KLHL1: variants seen among roughly 807,000 people sequenced by gnomAD.
The protein encoded by KLHL1 is kelch-like protein 1.
Under a neutral mutation model 77.7 loss-of-function variants are expected in KLHL1, and 47 were observed. The observed-to-expected ratio is 0.60, with a 90% CI of 0.48 to 0.77. KLHL1 has a LOEUF of 0.77. Ranked by LOEUF, KLHL1 falls within the 30% of genes least tolerant of loss-of-function variation. The pLI, the probability that KLHL1 is intolerant of heterozygous loss-of-function variation, is 0.00. For missense variants in KLHL1, 925 were observed against 910.8 expected, an observed-to-expected ratio of 1.02 and a Z score of -0.20; for synonymous variants, 360 against 325.2, an observed-to-expected ratio of 1.11 and a Z score of -1.15.
At chr13:69,955,006 G>A (rs1290645330) in intron 3 of KLHL1, among the ~76,000 whole-genome samples, 1 of 150,782 alleles carries the variant, frequency 6.6e-6, no homozygotes, top group Non-Finnish European at 1.5e-5. Flanking sequence ...TAAATAATGG[G>A]CAATAATAAT....
intron 7 of KLHL1, among the ~76,000 whole-genome samples, chr13:69,775,468 T>C (rs1359013827): frequency 6.6e-6 from 1 of 152,160 alleles, no homozygotes; most frequent in Non-Finnish European, 1.5e-5. Flanking sequence ...TATTCACAAA[T>C]ATTTGATTTT....
chr13:69,733,629 T>C (rs1873646161), intron 8 of KLHL1, among the ~76,000 whole-genome samples: 1 of 152,162 alleles, frequency 6.6e-6, no homozygotes, highest in Admixed American at 6.5e-5. Context: ...CATCAGTTCT[T>C]AGAGAATGTG....
In KLHL1 at chr13:69,701,372, G is replaced by C; in HGVS notation, c.*330C>G. The stretch of plus-strand genomic sequence containing the variant: ...GAGTTGTGGTCATGAAACTATCCAT[G>C]TCACAAATATTGGTCTCTCCTTTCA... On this transcript the variant is annotated 3_prime_UTR_variant, in exon 11 of 11. Coordinates refer to ENST00000377844, the MANE Select transcript of KLHL1 (RefSeq NM_020866.3). 4.8e-6 allele frequency: 1 copy of C among 207,476 alleles called. No individual in the cohort carries two copies. Among genetic ancestry groups the C allele is most frequent in the Non-Finnish European group, 9.6e-6 (1 of 104,696 alleles). The allele number at this position is 207,476 out of a possible 1,614,324, so 12.9% of individuals were successfully genotyped here.
At position 69,884,779 on chromosome 13, in the gene KLHL1, G is replaced by GA. The variant is rs754599455; in HGVS notation, c.1015-2285dup. Reference sequence around the variant, plus strand: ...TTTTATCATGGATGTTGTAAATTATGAAATTGATCAGATTTCTCTTTTTAT... The same window carrying GA: ...TTTTATCATGGATGTTGTAAATTATGAAAATTGATCAGATTTCTCTTTTTAT... On this transcript the variant is annotated intron_variant, in intron 4 of 10. Transcript: ENST00000377844. 3.3e-5 allele frequency among the ~76,000 whole-genome samples: 5 copies of GA among 152,052 alleles called. No homozygotes were observed. In the East Asian group the frequency reaches 7.7e-4, roughly 23 times the overall value.
chr13:69,882,946 A>G (rs1325316681), intron 4 of KLHL1, among the ~76,000 whole-genome samples: 1 of 152,210 alleles, frequency 6.6e-6, no homozygotes, highest in Non-Finnish European at 1.5e-5. Context: ...CAAAAGAGAA[A>G]GAATAGGACA....
At chr13:69,905,806 A>T (rs1268063813) in intron 4 of KLHL1, among the ~76,000 whole-genome samples, 1 of 152,102 alleles carries the variant, frequency 6.6e-6, no homozygotes, top group Admixed American at 6.5e-5. Flanking sequence ...GGAATCTACA[A>T]AAGTTTATGC....
chr13:69,743,327 A>C (rs1874062925), intron 7 of KLHL1, among the ~76,000 whole-genome samples: 2 of 152,212 alleles, frequency 1.3e-5, no homozygotes, highest in African/African-American at 4.8e-5. Flanking sequence ...GGAGATGATT[A>C]GAAGAAAATT....
In KLHL1 at chr13:69,707,647, G is replaced by A. The variant is rs1396499970; in HGVS notation, c.2165C>T (p.Pro722Leu). The A allele has an allele frequency of 3.7e-6, 6 of 1,611,468 alleles. No individual in the cohort carries two copies. The highest frequency in any genetic ancestry group is 5.1e-6 in the Non-Finnish European group (6 of 1,178,552). Residue 722 changes from proline to leucine, a missense_variant, in exon 10 of 11, where the codon CCA becomes CTA. Physicochemically the swap from Pro to Leu is moderately conservative, Grantham distance 98 (BLOSUM62 -3). Coordinates refer to ENST00000377844, the MANE Select transcript of KLHL1 (RefSeq NM_020866.3). ...TYLNTMESYD[P>L]QTNEWTQMAS... ...TACCTGTGTCCACTCATTAGTTTGT[G>A]GGTCATAGGATTCCATAGTGTTGAG... is the stretch of plus-strand genomic sequence containing the variant.
intron 7 of KLHL1, among the ~76,000 whole-genome samples, chr13:69,745,296 G>A (rs1874160733): frequency 7.9e-6 from 1 of 126,896 alleles, no homozygotes; most frequent in Non-Finnish European, 1.7e-5. Flanking sequence ...TTTTTAATTG[G>A]ATGTCTCTTA....
chr13:69,738,387 C>T (rs1161564397), intron 8 of KLHL1, among the ~76,000 whole-genome samples: 7 of 151,972 alleles, frequency 4.6e-5, no homozygotes, highest in South Asian at 2.1e-4. Flanking sequence ...CAGAACTGGG[C>T]GGAGGCTGAA....
At chr13:69,881,379 T>A (rs531006353) in intron 5 of KLHL1, among the ~76,000 whole-genome samples, 1 of 152,304 alleles carries the variant, frequency 6.6e-6, no homozygotes, top group South Asian at 2.1e-4. Flanking sequence ...TAGTAACATA[T>A]GGATTAGTAA....
At chr13:69,782,203 G>T (rs1566246315) in intron 7 of KLHL1, among the ~76,000 whole-genome samples, 2 of 152,210 alleles carry the variant, frequency 1.3e-5, no homozygotes, top group African/African-American at 4.8e-5. Context: ...GGCCGAACAG[G>T]AACAGCTCCG....
chr13:70,070,851 G>C (rs1887121621), intron 1 of KLHL1, among the ~76,000 whole-genome samples: 1 of 151,786 alleles, frequency 6.6e-6, no homozygotes, highest in Non-Finnish European at 1.5e-5. Flanking sequence ...ATTGCAATGG[G>C]GACTTGAATT....
chr13:69,986,026 G>T (rs1327119490), intron 1 of KLHL1, among the ~76,000 whole-genome samples: 7 of 150,720 alleles, frequency 4.6e-5, no homozygotes. Context: ...CCATTGTGTG[G>T]AATACTATTC....
chr13:69,783,532 G>A (rs1876344139), intron 7 of KLHL1, among the ~76,000 whole-genome samples: 1 of 152,050 alleles, frequency 6.6e-6, no homozygotes, highest in African/African-American at 2.4e-5. Context: ...GAAGAATGCA[G>A]AAGCCTCAGG....
At chr13:69,892,215 T>C (rs1241884096) in intron 4 of KLHL1, among the ~76,000 whole-genome samples, 1 of 152,164 alleles carries the variant, frequency 6.6e-6, no homozygotes, top group African/African-American at 2.4e-5. Context: ...GATAAATCTC[T>C]GTACAATCTT....
intron 1 of KLHL1, among the ~76,000 whole-genome samples, chr13:70,031,789 T>C (rs1369766846): frequency 6.6e-6 from 1 of 152,158 alleles, no homozygotes; most frequent in Non-Finnish European, 1.5e-5. Flanking sequence ...TGCAGGAAAG[T>C]TATTAAACAA....
At chr13:69,933,337 C>T (rs1260048756) in intron 4 of KLHL1, among the ~76,000 whole-genome samples, 1 of 151,994 alleles carries the variant, frequency 6.6e-6, no homozygotes, top group Non-Finnish European at 1.5e-5. Flanking sequence ...GTGAAGTAAA[C>T]TTTATTTGTA....
chr13:70,081,418 A>G (rs1023992066), intron 1 of KLHL1, among the ~76,000 whole-genome samples: 2 of 152,132 alleles, frequency 1.3e-5, no homozygotes, highest in African/African-American at 2.4e-5. Flanking sequence ...TATAGGCTCA[A>G]TTGGAGAATA....
Sources: allele counts gnomAD v4.1 joint callset (sites outside exome capture counted in the v4.1 genomes callset), GRCh38; gene constraint gnomAD v4.1.1; transcripts MANE v1.5; gene names NCBI Gene and HGNC (gene_info 2026-07-23, HGNC 2026-07-21).